CSMD3: variants seen among roughly 807,000 people sequenced by gnomAD.
The protein encoded by CSMD3 is CUB and Sushi multiple domains 3, also known as CUB and sushi domain-containing protein 3.
CSMD3 carries 177 observed loss-of-function variants against 435.2 expected under a neutral mutation model. The observed-to-expected ratio is 0.41, with a 90% CI of 0.36 to 0.46. CSMD3 has a LOEUF of 0.46. Among genes scored for constraint, CSMD3 ranks in the 20% least tolerant of loss-of-function variants. The probability of loss-of-function intolerance (pLI) is 0.34; values close to 1 mark genes in which losing one functional copy is unlikely to be tolerated. For missense variants in CSMD3, 4,265 were observed against 4,504.6 expected, an observed-to-expected ratio of 0.95 and a Z score of 1.52; for synonymous variants, 1,656 against 1,520.5, an observed-to-expected ratio of 1.09 and a Z score of -2.07.
intron 2 of CSMD3, among the ~76,000 whole-genome samples, chr8:113,296,729 G>A (rs1176542650): frequency 6.6e-6 from 1 of 152,134 alleles, no homozygotes; most frequent in Admixed American, 6.6e-5. Context: ...TTGGCAGAGA[G>A]AAACTGTCTT....
At chr8:113,059,194 G>A (rs942692272) in intron 5 of CSMD3, among the ~76,000 whole-genome samples, 1 of 152,078 alleles carries the variant, frequency 6.6e-6, no homozygotes, top group Non-Finnish European at 1.5e-5. Flanking sequence ...AAGCAATTTG[G>A]ATGATTTTAT....
At chr8:113,155,806 A>T (rs751914482) in intron 4 of CSMD3, among the ~76,000 whole-genome samples, 2 of 152,100 alleles carry the variant, frequency 1.3e-5, no homozygotes, top group Non-Finnish European at 2.9e-5. Flanking sequence ...AGATATATTC[A>T]GTATGTAACT....
chr8:112,270,092 T>TG (rs1286670359), intron 59 of CSMD3, among the ~76,000 whole-genome samples: 1 of 152,142 alleles, frequency 6.6e-6, no homozygotes, highest in Non-Finnish European at 1.5e-5. Context: ...TAATTAGACT[T>TG]GCAATTTTCC....
intron 45 of CSMD3, among the ~76,000 whole-genome samples, chr8:112,324,825 C>T (rs1326410566): frequency 1.3e-5 from 2 of 152,002 alleles, no homozygotes; most frequent in Non-Finnish European, 2.9e-5. Context: ...TTTTAAAAAG[C>T]ACACACACAA....
intron 30 of CSMD3, among the ~76,000 whole-genome samples, chr8:112,500,224 A>G (rs1425753019): frequency 6.6e-6 from 1 of 152,218 alleles, no homozygotes; most frequent in Non-Finnish European, 1.5e-5. Flanking sequence ...AAAAATATTA[A>G]ACAGTGTTAA....
intron 2 of CSMD3, among the ~76,000 whole-genome samples, chr8:113,287,279 A>G (rs974218790): frequency 1.3e-5 from 2 of 152,028 alleles, no homozygotes; most frequent in Non-Finnish European, 2.9e-5. Context: ...GTCCTTAAAA[A>G]TGATCCAAGG....
intron 13 of CSMD3, among the ~76,000 whole-genome samples, chr8:112,720,219 C>G (rs2076827254): frequency 6.6e-6 from 1 of 152,188 alleles, no homozygotes; most frequent in East Asian, 1.9e-4. Context: ...GAAACCTGAT[C>G]TAGCATCTGC....
intron 59 of CSMD3, among the ~76,000 whole-genome samples, chr8:112,265,858 A>C (rs1034387716): frequency 1.3e-5 from 2 of 152,118 alleles, no homozygotes; most frequent in African/African-American, 4.8e-5. Context: ...TGTTGTAGTG[A>C]ATTTGATGCA....
intron 12 of CSMD3, among the ~76,000 whole-genome samples, chr8:112,824,089 C>CT (rs2079606628): frequency 6.6e-6 from 1 of 151,964 alleles, no homozygotes; most frequent in Non-Finnish European, 1.5e-5. Flanking sequence ...CCTTCTTTGT[C>CT]TTTTTTTATC....
intron 4 of CSMD3, among the ~76,000 whole-genome samples, chr8:113,143,031 A>G (rs887064744): frequency 6.6e-6 from 1 of 151,198 alleles, no homozygotes; most frequent in Admixed American, 6.6e-5. Context: ...ACAAGTTACA[A>G]GTTACAGCCT....
chr8:112,328,254 T>A (rs1490243523), intron 45 of CSMD3, among the ~76,000 whole-genome samples: 3 of 152,214 alleles, frequency 2.0e-5, no homozygotes, highest in East Asian at 3.8e-4. Flanking sequence ...GTGTTATTTT[T>A]AAACTTATCT....
chr8:112,253,452 G>A (rs1405311166), intron 63 of CSMD3, among the ~76,000 whole-genome samples: 3 of 151,874 alleles, frequency 2.0e-5, no homozygotes, highest in South Asian at 2.1e-4. Flanking sequence ...AACAAAATAT[G>A]GCCCTTTAGA....
At chr8:112,416,957 A>G (rs780131968) in intron 32 of CSMD3, among the ~76,000 whole-genome samples, 2 of 152,132 alleles carry the variant, frequency 1.3e-5, no homozygotes. Context: ...TTGATATAAA[A>G]GTCTTCAAAT....
chr8:112,742,807 TGAA>T (rs1441493317), intron 13 of CSMD3, among the ~76,000 whole-genome samples: 1 of 151,906 alleles, frequency 6.6e-6, no homozygotes. Flanking sequence ...TGCAAGGAAA[TGAA>T]GAAGACTGAC....
chr8:112,681,472 T>C (rs1025235244), intron 16 of CSMD3, among the ~76,000 whole-genome samples: 3 of 152,152 alleles, frequency 2.0e-5, no homozygotes, highest in Non-Finnish European at 2.9e-5. Flanking sequence ...CTCATTTCAG[T>C]AGATTCTAAA....
At chr8:112,810,395 G>A (rs973200000) in intron 12 of CSMD3, among the ~76,000 whole-genome samples, 7 of 145,300 alleles carry the variant, frequency 4.8e-5, no homozygotes, top group Non-Finnish European at 9.1e-5. Flanking sequence ...CAAATCTGAC[G>A]TTTATAGGTA....
chr8:113,007,750 C>T (rs1376257453), intron 6 of CSMD3, among the ~76,000 whole-genome samples: 1 of 151,706 alleles, frequency 6.6e-6, no homozygotes, highest in Admixed American at 6.6e-5. Context: ...GTCAGTATAC[C>T]TAACTGGAAA....
rs1227524819 is a variant in CSMD3 at position 113,191,359 on chromosome 8, C to T, written c.515-17443G>A. ...TATCACCCAGGTACTGACACAATAC[C>T]CAATAGGCAGTTTTTCGGCCCACAT... On this transcript the variant is annotated intron_variant, in intron 3 of 70. Transcript: ENST00000297405. 2.6e-5 allele frequency among the ~76,000 whole-genome samples: 4 copies of T among 151,566 alleles called. No homozygotes were observed. The Admixed American group carries it at 2.6e-4, about 10-fold the overall frequency.
At chr8:112,711,991 G>A (rs1014406202) in intron 13 of CSMD3, among the ~76,000 whole-genome samples, 4 of 152,160 alleles carry the variant, frequency 2.6e-5, no homozygotes, top group African/African-American at 9.7e-5. Flanking sequence ...CTGGCGGTAT[G>A]TGGACTTTTG....
Sources: gnomAD v4.1 joint callset for allele counts (sites outside exome capture counted in the v4.1 genomes callset) on GRCh38, gnomAD v4.1.1 for gene constraint, MANE v1.5 for transcripts, NCBI Gene and HGNC (gene_info 2026-07-23, HGNC 2026-07-21) for gene names.